ATAD2: variants seen among roughly 807,000 people sequenced by gnomAD.
ATAD2 encodes the protein ATPase family AAA domain containing 2, also known as ATPase family AAA domain-containing protein 2.
In ATAD2, 62 loss-of-function variants were observed where a neutral mutation model predicts 168.9. That is an observed-to-expected ratio of 0.37 (90% CI 0.30 to 0.45). The LOEUF (loss-of-function observed/expected upper bound fraction) is 0.45, where lower values mean the gene tolerates loss of function less well. ATAD2 is among the 20% of genes least tolerant of loss of function. The pLI is 1.00. For synonymous variants in ATAD2, 613 were observed against 571.6 expected (o/e 1.07, Z -1.03); for missense variants, 1,419 against 1,667.8 (o/e 0.85, Z 2.60).
chr8:123,371,886 T>G (rs1020486587), intron 3 of ATAD2, 51 bp from the exon 4 acceptor site: 1 of 1,388,708 alleles, frequency 7.2e-7, no homozygotes, highest in Non-Finnish European at 9.5e-7. Context: ...AATAATAGTA[T>G]TTATAAAACA....
At chr8:123,365,908 A>G (rs1029922493) in intron 8 of ATAD2, among the ~76,000 whole-genome samples, 19 of 152,234 alleles carry the variant, frequency 1.2e-4, no homozygotes, top group African/African-American at 4.6e-4. Flanking sequence ...AATAAAAGCA[A>G]AGATAAACAG....
At position 123,359,560 on chromosome 8, in the gene ATAD2, C is replaced by G; in HGVS notation, c.1266+17G>C. On this transcript the variant is annotated intron_variant, in intron 10 of 27. Transcript: ENST00000287394. ...CACATTATAGTTCAAGCATATGTTT[C>G]AAAACAGAGTACTCACTGAAGAATC... 2 of 1,578,390 alleles carry G rather than the reference C, an allele frequency of 1.3e-6. No homozygotes were observed. Among genetic ancestry groups the G allele is most frequent in the East Asian group, 4.5e-5 (2 of 44,594 alleles).
At chr8:123,326,158 C>G in intron 25 of ATAD2, 132 bp from the exon 26 acceptor site, 1 of 931,866 alleles carries the variant, frequency 1.1e-6, no homozygotes, top group Non-Finnish European at 1.6e-6. Flanking sequence ...CTTATTAACT[C>G]ATTCTGTTAT....
chr8:123,356,300 T>A (rs1340688821), intron 13 of ATAD2, 89 bp downstream of exon 13: 1 of 1,080,586 alleles, frequency 9.3e-7, no homozygotes, highest in Admixed American at 2.4e-5. Context: ...TTATAAAGTT[T>A]CTTTCACCAT....
chr8:123,414,796 T>A (rs960451428), intron 1 of ATAD2, among the ~76,000 whole-genome samples: 1 of 152,156 alleles, frequency 6.6e-6, no homozygotes, highest in African/African-American at 2.4e-5. Context: ...GAAGGGACCA[T>A]GTTCTGAGTC....
At chr8:123,326,440 C>G (rs946732679) in intron 25 of ATAD2, among the ~76,000 whole-genome samples, 4 of 151,618 alleles carry the variant, frequency 2.6e-5, no homozygotes, top group Non-Finnish European at 5.9e-5. Flanking sequence ...GAGGCCAAGG[C>G]AGGTGAATCC....
intron 1 of ATAD2, among the ~76,000 whole-genome samples, chr8:123,392,137 A>G (rs1829841125): frequency 6.6e-6 from 1 of 152,180 alleles, no homozygotes; most frequent in African/African-American, 2.4e-5. Context: ...ACAATCAACA[A>G]CAAATATTTA....
At position 123,379,906 on chromosome 8, in the gene ATAD2, G is replaced by T. The variant is rs1301127230; in HGVS notation, c.320+623C>A. On this transcript the variant is annotated intron_variant, in intron 2 of 27. Transcript: ENST00000287394. ...ATTATTATTATTTTTTTTTTTTTGA[G>T]ACTGAGTTTCGCTCTTGTTGTCCAG... is the stretch of plus-strand genomic sequence containing the variant. Among the ~76,000 whole-genome samples the T allele has an allele frequency of 4.6e-5, 4 of 87,504 alleles. No individual in the cohort carries two copies. In the East Asian group the frequency reaches 1.1e-3, roughly 24 times the overall value. The allele number at this position is 87,504 out of a possible 152,430, so 57.4% of individuals were successfully genotyped here. A position where few individuals can be genotyped will look rare whatever the true frequency, so the allele number is the denominator to read the frequency against.
chr8:123,389,129 G>A (rs546030841), intron 1 of ATAD2, among the ~76,000 whole-genome samples: 44 of 79,308 alleles, frequency 5.5e-4, no homozygotes, highest in African/African-American at 1.5e-3. Flanking sequence ...ACCACGCCCG[G>A]CTAATTTTTT....
At chr8:123,330,579 G>T (rs1318948540) in intron 24 of ATAD2, among the ~76,000 whole-genome samples, 1 of 151,650 alleles carries the variant, frequency 6.6e-6, no homozygotes, top group Non-Finnish European at 1.5e-5. Context: ...AGCCAGGATG[G>T]TCTCGATCAC....
rs137964625 is a variant in ATAD2, at chr8:123,322,985, A to G, written c.4084T>C (p.Cys1362Arg). Residue 1362 changes from cysteine (C) to arginine (R), a missense_variant, in exon 27 of 28, where the codon TGT (cysteine) becomes CGT (arginine). By Grantham distance (180) the Cys-to-Arg change is radical. This residue lies in a region of ATAD2 where 303 missense variants were observed against 304.3 expected (regional missense o/e 1.00). Transcript: ENST00000287394. ...TGGTCCTTGCGATGCCGATAAATAC[A>G]TTGGCTGATTACTGCATACAAATTT... The part of the protein sequence containing the change: ...LENLYAVISQ[C>R]IYRHRKDHDK... The G allele has an allele frequency of 3.5e-3, 5,667 of 1,613,934 alleles. 17 individuals are homozygous for G. Among genetic ancestry groups the G allele is most frequent in the Non-Finnish European group, 4.3e-3 (5,029 of 1,179,872 alleles).
intron 19 of ATAD2, among the ~76,000 whole-genome samples, chr8:123,344,160 G>A (rs1402060360): frequency 6.6e-6 from 1 of 151,832 alleles, no homozygotes; most frequent in Non-Finnish European, 1.5e-5. Flanking sequence ...AAAAAAATCT[G>A]GAAAACAACC....
intron 2 of ATAD2, among the ~76,000 whole-genome samples, chr8:123,379,727 T>G (rs928815382): frequency 1.3e-5 from 2 of 151,594 alleles, no homozygotes; most frequent in African/African-American, 4.8e-5. Flanking sequence ...TATGCCCAGC[T>G]ATATTTTTTA....
intron 1 of ATAD2, chr8:123,401,537 T>A (rs1812999996): frequency 6.4e-7 from 1 of 1,557,424 alleles, no homozygotes; most frequent in African/African-American, 1.4e-5. Context: ...ACGGGCTGTG[T>A]GTGGGCATAG....
At chr8:123,366,792 G>A (rs1828992872) in intron 8 of ATAD2, among the ~76,000 whole-genome samples, 1 of 151,984 alleles carries the variant, frequency 6.6e-6, no homozygotes, top group Admixed American at 6.6e-5. Flanking sequence ...AATGTATACT[G>A]CTTGGGTGAT....
chr8:123,368,554 A>G (rs1024966319), intron 8 of ATAD2, among the ~76,000 whole-genome samples: 7 of 152,262 alleles, frequency 4.6e-5, no homozygotes, highest in Non-Finnish European at 4.4e-5. Flanking sequence ...CAAAGAAAAT[A>G]AATGTTTCCT....
At chr8:123,339,778 AG>A (rs1828015170) in intron 19 of ATAD2, among the ~76,000 whole-genome samples, 1 of 152,254 alleles carries the variant, frequency 6.6e-6, no homozygotes, top group Non-Finnish European at 1.5e-5. Context: ...AAAGAATGTT[AG>A]ATTTATGTAT....
At chr8:123,401,668 C>A in intron 1 of ATAD2, 1 of 795,368 alleles carries the variant, frequency 1.3e-6, no homozygotes, top group Non-Finnish European at 2.2e-6. Flanking sequence ...CCGATGGTGG[C>A]ATCCTGACTG....
At chr8:123,404,026 G>C (rs1332995611) in intron 1 of ATAD2, among the ~76,000 whole-genome samples, 6 of 152,072 alleles carry the variant, frequency 3.9e-5, no homozygotes, top group Non-Finnish European at 7.4e-5. Context: ...TACAATCAGA[G>C]GTAACTCTCT....
Sources: allele counts gnomAD v4.1 joint callset (sites outside exome capture counted in the v4.1 genomes callset), GRCh38; gene constraint gnomAD v4.1.1; regional missense constraint gnomAD v4.1.1; transcripts MANE v1.5; gene names NCBI Gene and HGNC (gene_info 2026-07-23, HGNC 2026-07-21).